Variants in DPP10 observed in about 807,000 individuals in gnomAD.
DPP10 encodes the protein dipeptidyl peptidase like 10.
In DPP10, 33 loss-of-function variants were observed where a neutral mutation model predicts 120.9. That is an observed-to-expected ratio of 0.27 (90% CI 0.21 to 0.37). DPP10 has a LOEUF of 0.37. Ranked by LOEUF, DPP10 falls within the 10% of genes least tolerant of loss-of-function variation. The pLI, the probability that DPP10 is intolerant of heterozygous loss-of-function variation, is 1.00. For synonymous variants in DPP10, 337 were observed against 326.1 expected (o/e 1.03, Z -0.36); for missense variants, 816 against 942.8 (o/e 0.87, Z 1.76).
chr2:115,526,183 C>G, intron 5 of DPP10: 1 of 481,330 alleles, frequency 2.1e-6, no homozygotes, highest in Non-Finnish European at 3.7e-6. Context: ...GACAGTTTGC[C>G]CAGTGCCTGT....
chr2:114,498,874 A>G (rs1169325781), intron 1 of DPP10, among the ~76,000 whole-genome samples: 1 of 152,234 alleles, frequency 6.6e-6, no homozygotes, highest in Non-Finnish European at 1.5e-5. Context: ...GCTATTCACA[A>G]TAGTCAAGAC....
At chr2:115,303,793 C>A (rs1028489355) in intron 1 of DPP10, among the ~76,000 whole-genome samples, 6 of 151,816 alleles carry the variant, frequency 4.0e-5, no homozygotes, top group African/African-American at 1.2e-4. Flanking sequence ...TAACACACTC[C>A]AGTACATTTT....
chr2:115,529,851 C>T (rs2078357293), intron 5 of DPP10, among the ~76,000 whole-genome samples: 1 of 152,054 alleles, frequency 6.6e-6, no homozygotes, highest in Admixed American at 6.6e-5. Context: ...AATAACCATT[C>T]TCTAAACACA....
chr2:114,695,874 TA>T (rs1298054122), intron 1 of DPP10, among the ~76,000 whole-genome samples: 1 of 152,128 alleles, frequency 6.6e-6, no homozygotes, highest in Non-Finnish European at 1.5e-5. Context: ...ATAACCTTTT[TA>T]ATATGACTGC....
chr2:115,695,692 A>T (rs1236915982), intron 7 of DPP10, among the ~76,000 whole-genome samples: 1 of 152,216 alleles, frequency 6.6e-6, no homozygotes. Flanking sequence ...GCCAGATTAT[A>T]TCAGGGGAGA....
At chr2:115,839,291 T>G (rs1689839724) in intron 24 of DPP10, among the ~76,000 whole-genome samples, 1 of 152,176 alleles carries the variant, frequency 6.6e-6, no homozygotes, top group Admixed American at 6.5e-5. Context: ...TTCTCTGCTG[T>G]GTGGTCTGAT....
At chr2:115,623,465 A>G (rs1233183061) in intron 5 of DPP10, among the ~76,000 whole-genome samples, 1 of 152,218 alleles carries the variant, frequency 6.6e-6, no homozygotes, top group African/African-American at 2.4e-5. Flanking sequence ...CAATTTATTC[A>G]TATTTATTTA....
At chr2:115,508,828 G>A (rs553858719) in intron 4 of DPP10, among the ~76,000 whole-genome samples, 3 of 152,306 alleles carry the variant, frequency 2.0e-5, no homozygotes, top group East Asian at 3.9e-4. Context: ...GCTTGAACTT[G>A]GGAGGCGGAG....
chr2:115,567,194 A>G (rs1359562902), intron 5 of DPP10, among the ~76,000 whole-genome samples: 1 of 151,892 alleles, frequency 6.6e-6, no homozygotes, highest in African/African-American at 2.4e-5. Context: ...TGTAGATTCC[A>G]GGGATTTGTT....
chr2:114,748,362 T>TTTATTTTATTTA lies in DPP10; in HGVS notation c.60+305526_60+305527insATTTTATTTATT, dbSNP rs1200399708. Among the ~76,000 whole-genome samples the TTTATTTTATTTA allele has an allele frequency of 8.0e-4, 100 of 124,734 alleles. 1 individual carries two copies. Among genetic ancestry groups the TTTATTTTATTTA allele is most frequent in the African/African-American group, 3.1e-3 (93 of 29,786 alleles). 81.8% of individuals were successfully genotyped at this position (124,734 alleles called of 152,430 possible). A position where few individuals can be genotyped will look rare whatever the true frequency, so the allele number is the denominator to read the frequency against. Reference sequence around the variant, plus strand: ...TCTTTTTTTTTTTTATTTTTTTTTATTTTATTTATTTATTTATTTATTTAT... The same window carrying TTTATTTTATTTA: ...TCTTTTTTTTTTTTATTTTTTTTTATTTATTTTATTTATTTATTTATTTATTTATTTATTTAT... On this transcript the variant is annotated intron_variant, in intron 1 of 25. Transcript: ENST00000410059.
intron 3 of DPP10, among the ~76,000 whole-genome samples, chr2:115,493,579 G>A (rs1215755228): frequency 1.3e-5 from 2 of 151,190 alleles, no homozygotes; most frequent in Non-Finnish European, 2.9e-5. Context: ...GCAATTGAGA[G>A]GAAAGAGCAT....
At chr2:115,133,141 G>GTATATATA (rs752180086) in intron 1 of DPP10, among the ~76,000 whole-genome samples, 21 of 35,378 alleles carry the variant, frequency 5.9e-4, no homozygotes, top group Non-Finnish European at 9.0e-4. Context: ...GTGTGTGTGT[G>GTATATATA]TGTGTATATA....
intron 1 of DPP10, among the ~76,000 whole-genome samples, chr2:114,506,758 A>C (rs890202104): frequency 2.6e-5 from 4 of 152,180 alleles, no homozygotes; most frequent in African/African-American, 7.2e-5. Flanking sequence ...CCCTGCCAGC[A>C]CCAAAGGAGC....
At chr2:115,751,060 A>G (rs1678642149) in intron 10 of DPP10, among the ~76,000 whole-genome samples, 1 of 152,170 alleles carries the variant, frequency 6.6e-6, no homozygotes, top group South Asian at 2.1e-4. Context: ...AGAGTTTACC[A>G]AAAAATATGA....
At chr2:115,642,211 G>A (rs1357352514) in intron 5 of DPP10, among the ~76,000 whole-genome samples, 4 of 151,880 alleles carry the variant, frequency 2.6e-5, no homozygotes, top group African/African-American at 7.3e-5. Context: ...TTAAAACACC[G>A]AGATGGTTAA....
chr2:114,547,762 A>G (rs974407743), intron 1 of DPP10, among the ~76,000 whole-genome samples: 1 of 152,246 alleles, frequency 6.6e-6, no homozygotes, highest in South Asian at 2.1e-4. Context: ...GTATACCTTT[A>G]CCAGCACAGG....
At chr2:115,755,891 A>G (rs1404597355) in intron 11 of DPP10, among the ~76,000 whole-genome samples, 1 of 151,144 alleles carries the variant, frequency 6.6e-6, no homozygotes, top group Non-Finnish European at 1.5e-5. Flanking sequence ...AAGCATACAT[A>G]TATACTTTTT....
chr2:114,765,014 C>T (rs1379420314), intron 1 of DPP10, among the ~76,000 whole-genome samples: 2 of 152,062 alleles, frequency 1.3e-5, no homozygotes, highest in Non-Finnish European at 2.9e-5. Context: ...TTTGAATGAA[C>T]ATGGTTTCAA....
At chr2:115,197,205 A>G (rs1019462197) in intron 1 of DPP10, among the ~76,000 whole-genome samples, 4 of 152,104 alleles carry the variant, frequency 2.6e-5, no homozygotes, top group African/African-American at 9.7e-5. Context: ...CAGCCTGGCC[A>G]ATATGGTGAA....
Sources: allele counts gnomAD v4.1 joint callset (sites outside exome capture counted in the v4.1 genomes callset), GRCh38; gene constraint gnomAD v4.1.1; transcripts MANE v1.5; gene names NCBI Gene and HGNC (gene_info 2026-07-23, HGNC 2026-07-21).